The following DENND1A variants were observed in gnomAD, a reference collection of about 807,000 sequenced individuals.
DENND1A encodes the protein DENN domain containing 1A.
In DENND1A, 51 loss-of-function variants were observed where a neutral mutation model predicts 113.7. That is an observed-to-expected ratio of 0.45 (90% CI 0.36 to 0.57). The LOEUF is 0.57. Among genes scored for constraint, DENND1A ranks in the 20% least tolerant of loss-of-function variants. The pLI, the probability that DENND1A is intolerant of heterozygous loss-of-function variation, is 0.00. For synonymous variants in DENND1A, 565 were observed against 570.8 expected (o/e 0.99, Z 0.14); for missense variants, 1,258 against 1,395.9 (o/e 0.90, Z 1.57).
intron 5 of DENND1A, among the ~76,000 whole-genome samples, chr9:123,679,168 A>T (rs1043335761): frequency 6.6e-6 from 1 of 152,234 alleles, no homozygotes; most frequent in Non-Finnish European, 1.5e-5. Flanking sequence ...AGAAAAACTG[A>T]ATCATTTTAG....
intron 2 of DENND1A, among the ~76,000 whole-genome samples, chr9:123,850,267 C>A (rs1271073511): frequency 1.3e-5 from 2 of 152,162 alleles, no homozygotes; most frequent in East Asian, 3.8e-4. Context: ...TTGCCACAGC[C>A]ATCCCAGCCT....
chr9:123,421,443 C>T (rs1045910644), intron 19 of DENND1A, among the ~76,000 whole-genome samples: 7 of 152,128 alleles, frequency 4.6e-5, no homozygotes, highest in East Asian at 1.9e-4. Flanking sequence ...GATGTTAAAA[C>T]GTATCTCCTC....
At chr9:123,758,381 C>G (rs1263902235) in intron 4 of DENND1A, among the ~76,000 whole-genome samples, 1 of 152,188 alleles carries the variant, frequency 6.6e-6, no homozygotes, top group Admixed American at 6.5e-5. Context: ...CTCCCTGACT[C>G]TCAGGACAAC....
intron 11 of DENND1A, among the ~76,000 whole-genome samples, chr9:123,605,644 C>T (rs1331406541): frequency 3.3e-5 from 5 of 152,224 alleles, no homozygotes; most frequent in Non-Finnish European, 5.9e-5. Context: ...ACACTTGTCA[C>T]TTTGGGAGGA....
intron 13 of DENND1A, among the ~76,000 whole-genome samples, chr9:123,482,684 A>T (rs980328980): frequency 1.3e-5 from 2 of 152,236 alleles, no homozygotes; most frequent in African/African-American, 4.8e-5. Flanking sequence ...CCCCTGGGAC[A>T]ATGGCCTTGA....
intron 10 of DENND1A, among the ~76,000 whole-genome samples, chr9:123,614,513 T>A (rs1418605302): frequency 2.6e-5 from 4 of 151,964 alleles, no homozygotes; most frequent in African/African-American, 9.7e-5. Flanking sequence ...TAACCAGGGC[T>A]CTGTTAATCA....
At chr9:123,651,765 C>G (rs1265512739) in intron 9 of DENND1A, among the ~76,000 whole-genome samples, 1 of 151,942 alleles carries the variant, frequency 6.6e-6, no homozygotes, top group African/African-American at 2.4e-5. Context: ...CATGTAGAAA[C>G]CTGCAAAATG....
At position 123,728,479 on chromosome 9, in the gene DENND1A, C is replaced by CAAAAAAAAAAAAAAA. The variant is rs60761810; in HGVS notation, c.302+29209_302+29223dup. Among the ~76,000 whole-genome samples the CAAAAAAAAAAAAAAA allele has an allele frequency of 6.0e-3, 152 of 25,194 alleles. 31 individuals carry two copies. Among genetic ancestry groups the CAAAAAAAAAAAAAAA allele is most frequent in the Non-Finnish European group, 8.2e-3 (116 of 14,186 alleles). 16.5% of individuals were successfully genotyped at this position (25,194 alleles called of 152,430 possible). On this transcript the variant is annotated intron_variant, in intron 5 of 23. Transcript: ENST00000394215. ...GCAACAATTGCAAAACTCTGTCTCC[C>CAAAAAAAAAAAAAAA]AAAAAAAAAAAAAAAAAAAAAAAAA...
chr9:123,537,358 A>G (rs941309999), intron 13 of DENND1A, among the ~76,000 whole-genome samples: 1 of 151,978 alleles, frequency 6.6e-6, no homozygotes, highest in African/African-American at 2.4e-5. Flanking sequence ...AAATTCAAAA[A>G]TACAGCAAAA....
chr9:123,392,714 G>A (rs2042921060), intron 21 of DENND1A, among the ~76,000 whole-genome samples: 1 of 152,158 alleles, frequency 6.6e-6, no homozygotes, highest in African/African-American at 2.4e-5. Context: ...TCGGATACAT[G>A]AGTAATTTCT....
At chr9:123,634,541 A>G (rs181499523) in intron 9 of DENND1A, among the ~76,000 whole-genome samples, 1 of 152,346 alleles carries the variant, frequency 6.6e-6, no homozygotes, top group Non-Finnish European at 1.5e-5. Flanking sequence ...TAAAAGTCCT[A>G]AAGGCCTATG....
At chr9:123,603,167 G>C (rs558021988) in intron 11 of DENND1A, among the ~76,000 whole-genome samples, 4 of 152,168 alleles carry the variant, frequency 2.6e-5, no homozygotes, top group Admixed American at 2.0e-4. Context: ...CAAAAAAAGA[G>C]AAAGGAACAA....
At chr9:123,589,703 A>G (rs940084496) in intron 11 of DENND1A, among the ~76,000 whole-genome samples, 1 of 150,456 alleles carries the variant, frequency 6.6e-6, no homozygotes, top group African/African-American at 2.5e-5. Flanking sequence ...TCCAAATGGC[A>G]TTTCTTACAT....
chr9:123,454,050 C>A (rs1027794000), intron 16 of DENND1A, among the ~76,000 whole-genome samples: 2 of 152,212 alleles, frequency 1.3e-5, no homozygotes, highest in Admixed American at 6.5e-5. Context: ...GGCAGCAGTG[C>A]ACTGACGCAT....
chr9:123,663,960 T>C (rs909496606), intron 8 of DENND1A, among the ~76,000 whole-genome samples: 1 of 152,162 alleles, frequency 6.6e-6, no homozygotes, highest in Non-Finnish European at 1.5e-5. Context: ...AGGGATCTAG[T>C]GCTCTGATCA....
chr9:123,702,982 A>G (rs1386206989), intron 5 of DENND1A, among the ~76,000 whole-genome samples: 4 of 152,160 alleles, frequency 2.6e-5, no homozygotes, highest in Admixed American at 6.5e-5. Context: ...AATAACTACA[A>G]TGATTTTCTT....
chr9:123,839,521 C>A (rs924668242), intron 2 of DENND1A, among the ~76,000 whole-genome samples: 1 of 152,178 alleles, frequency 6.6e-6, no homozygotes, highest in African/African-American at 2.4e-5. Context: ...ACAGTTTCCG[C>A]GACAGACAGG....
chr9:123,596,746 T>C (rs78819684), intron 11 of DENND1A, among the ~76,000 whole-genome samples: 12,267 of 152,174 alleles, frequency 0.081, 541 homozygotes, highest in Non-Finnish European at 0.091. Flanking sequence ...GCCCTAAAAG[T>C]AGGGCCAGTA....
intron 13 of DENND1A, among the ~76,000 whole-genome samples, chr9:123,508,668 C>T (rs923881873): frequency 2.0e-5 from 3 of 152,020 alleles, no homozygotes; most frequent in Non-Finnish European, 2.9e-5. Flanking sequence ...TCAAAGTGAA[C>T]GTGGCATGAA....
Sources: allele counts gnomAD v4.1 joint callset (sites outside exome capture counted in the v4.1 genomes callset), GRCh38; gene constraint gnomAD v4.1.1; transcripts MANE v1.5; gene names NCBI Gene and HGNC (gene_info 2026-07-23, HGNC 2026-07-21).